The following NTM variants were observed in gnomAD, a reference collection of about 807,000 sequenced individuals.
The protein encoded by NTM is IgLON family member 2.
Under a neutral mutation model 42.1 loss-of-function variants are expected in NTM, and 13 were observed. The ratio of observed to expected loss-of-function variants is 0.31; its 90% CI spans 0.20 to 0.49. The LOEUF (loss-of-function observed/expected upper bound fraction) is 0.49, where lower values mean the gene tolerates loss of function less well. Among genes scored for constraint, NTM ranks in the 20% least tolerant of loss-of-function variants. NTM has a pLI of 0.99. For synonymous variants in NTM, 187 were observed against 179.2 expected (o/e 1.04, Z -0.35); for missense variants, 373 against 452.8 (o/e 0.82, Z 1.60).
At chr11:131,678,275 G>T (rs2134747458) in intron 1 of NTM, among the ~76,000 whole-genome samples, 1 of 152,342 alleles carries the variant, frequency 6.6e-6, no homozygotes, top group Admixed American at 6.5e-5. Context: ...TCTCCATGTG[G>T]GTTTCAGTGG....
At chr11:131,899,153 A>G (rs191216497) in intron 1 of NTM, among the ~76,000 whole-genome samples, 14 of 143,380 alleles carry the variant, frequency 9.8e-5, no homozygotes, top group Admixed American at 7.5e-4. Context: ...TATGTGTCCA[A>G]GGTAAATTCA....
At chr11:132,060,080 C>T (rs1475155200) in intron 2 of NTM, among the ~76,000 whole-genome samples, 2 of 152,196 alleles carry the variant, frequency 1.3e-5, no homozygotes, top group African/African-American at 2.4e-5. Flanking sequence ...ATTCTTCCCT[C>T]CACATGAGAC....
At chr11:131,865,689 C>T (rs1030539901) in intron 1 of NTM, among the ~76,000 whole-genome samples, 2 of 151,570 alleles carry the variant, frequency 1.3e-5, no homozygotes. Context: ...CACATACACA[C>T]CAAAAACACA....
At chr11:131,754,820 G>T (rs1487211488) in intron 1 of NTM, among the ~76,000 whole-genome samples, 1 of 152,042 alleles carries the variant, frequency 6.6e-6, no homozygotes, top group Non-Finnish European at 1.5e-5. Flanking sequence ...ACAATTAACA[G>T]TAAATCCAAA....
At position 131,480,738 on chromosome 11, in the gene NTM, C is replaced by A. The variant is rs59689907; in HGVS notation, c.82+109850C>A. 2.3e-3 allele frequency among the ~76,000 whole-genome samples: 339 copies of A among 150,422 alleles called. 1 individual carries two copies. Among genetic ancestry groups the A allele is most frequent in the African/African-American group, 7.8e-3 (320 of 40,910 alleles). On this transcript the variant is annotated intron_variant, in intron 1 of 8. Coordinates refer to ENST00000683400, the MANE Select transcript of NTM (RefSeq NM_001352005.2). ...TGAGTAAGGGGGCGTGGGAGGTAACCGTGGTCTTCCAGGAAGAGTGGCCAG... is the reference window on the plus strand; with the variant it reads ...TGAGTAAGGGGGCGTGGGAGGTAACAGTGGTCTTCCAGGAAGAGTGGCCAG...
intron 1 of NTM, among the ~76,000 whole-genome samples, chr11:131,836,910 T>C (rs1429868236): frequency 6.6e-6 from 1 of 152,160 alleles, no homozygotes; most frequent in Non-Finnish European, 1.5e-5. Context: ...CTCCTGGTGA[T>C]GTGTAACAAA....
chr11:132,195,611 G>A (rs577897077), intron 3 of NTM, among the ~76,000 whole-genome samples: 3 of 152,118 alleles, frequency 2.0e-5, no homozygotes, highest in Non-Finnish European at 2.9e-5. Context: ...AAACAGACAC[G>A]TAGACCAACA....
At chr11:131,717,188 C>T (rs1384221320) in intron 1 of NTM, among the ~76,000 whole-genome samples, 1 of 152,106 alleles carries the variant, frequency 6.6e-6, no homozygotes, top group Non-Finnish European at 1.5e-5. Flanking sequence ...CCAACATTTT[C>T]TTTTTCAAAA....
chr11:131,721,872 G>A (rs368276260), intron 1 of NTM, among the ~76,000 whole-genome samples: 23 of 151,730 alleles, frequency 1.5e-4, no homozygotes, highest in South Asian at 1.5e-3. Flanking sequence ...GGTCGTGGGC[G>A]CCTGTAATTT....
chr11:131,399,493 T>TTGC (rs1944894227), intron 1 of NTM, among the ~76,000 whole-genome samples: 1 of 152,178 alleles, frequency 6.6e-6, no homozygotes, highest in South Asian at 2.1e-4. Flanking sequence ...TTTTACAAGA[T>TTGC]TGCTGTATTT....
At chr11:131,511,166 C>G (rs2136459600) in intron 1 of NTM, among the ~76,000 whole-genome samples, 1 of 141,796 alleles carries the variant, frequency 7.1e-6, no homozygotes, top group East Asian at 2.1e-4. Context: ...TCATCGTACA[C>G]TCCTCTGAGA....
Position 131,406,240 on chromosome 11 carries a change from C to T in NTM, c.82+35352C>T, listed in dbSNP as rs570202384. 1.3e-3 allele frequency among the ~76,000 whole-genome samples: 198 copies of T among 152,226 alleles called. 1 individual carries two copies. The highest frequency in any genetic ancestry group is 4.5e-3 in the African/African-American group (185 of 41,532). On this transcript the variant is annotated intron_variant, in intron 1 of 8. Transcript: ENST00000683400. ...GGGAAAGAAAATTTCTTTATTATTA[C>T]TGGGAAGTGATATATGAATGTAAGA...
At chr11:131,795,657 A>G (rs1037835267) in intron 1 of NTM, 2 of 985,430 alleles carry the variant, frequency 2.0e-6, no homozygotes, top group South Asian at 4.7e-5. Flanking sequence ...GTACAGTGCC[A>G]GTGCCCATAA....
chr11:132,124,343 T>C (rs924964428), intron 2 of NTM, among the ~76,000 whole-genome samples: 9 of 152,180 alleles, frequency 5.9e-5, no homozygotes, highest in African/African-American at 2.2e-4. Flanking sequence ...TTGTGAGTGC[T>C]CTCAGTCTGC....
chr11:131,402,544 C>G (rs966885324), intron 1 of NTM, among the ~76,000 whole-genome samples: 1 of 151,958 alleles, frequency 6.6e-6, no homozygotes, highest in African/African-American at 2.4e-5. Flanking sequence ...TTAATGGGGC[C>G]TATAGGAAAA....
intron 1 of NTM, among the ~76,000 whole-genome samples, chr11:131,514,904 TATAC>T (rs979130519): frequency 1.4e-4 from 21 of 151,666 alleles, no homozygotes; most frequent in Non-Finnish European, 2.8e-4. Context: ...GTATTTTATA[TATAC>T]ACATAAAGAG....
chr11:131,681,143 T>C lies in NTM; in HGVS notation c.83-230421T>C, dbSNP rs1449116188. Among the ~76,000 whole-genome samples the C allele has an allele frequency of 1.2e-3, 35 of 30,072 alleles. 1 individual carries two copies. Among genetic ancestry groups the C allele is most frequent in the African/African-American group, 2.1e-3 (21 of 10,110 alleles). 19.7% of individuals were successfully genotyped at this position (30,072 alleles called of 152,430 possible). ...CGTGTGTGTTTCTGTGTATGTATGT[T>C]TCCCTGTGTGTGTGAGCATGTGTGT... is the stretch of plus-strand genomic sequence containing the variant. On this transcript the variant is annotated intron_variant, in intron 1 of 8. Coordinates refer to ENST00000683400, the MANE Select transcript of NTM (RefSeq NM_001352005.2).
At chr11:131,830,195 C>T (rs2042644750) in intron 1 of NTM, among the ~76,000 whole-genome samples, 1 of 152,014 alleles carries the variant, frequency 6.6e-6, no homozygotes, top group Admixed American at 6.6e-5. Flanking sequence ...TTCCACTTGT[C>T]GATTTTTGTT....
At chr11:131,711,671 C>G (rs2077148507) in intron 1 of NTM, among the ~76,000 whole-genome samples, 1 of 151,964 alleles carries the variant, frequency 6.6e-6, no homozygotes, top group African/African-American at 2.4e-5. Context: ...GCTATAAAGA[C>G]ACATGCACAC....
Sources: allele counts gnomAD v4.1 joint callset (sites outside exome capture counted in the v4.1 genomes callset), GRCh38; gene constraint gnomAD v4.1.1; transcripts MANE v1.5; gene names NCBI Gene and HGNC (gene_info 2026-07-23, HGNC 2026-07-21).